Variants in CGA observed in about 807,000 individuals in gnomAD.
CGA encodes the protein glycoprotein hormones alpha chain.
CGA carries 4 observed loss-of-function variants against 12.0 expected under a neutral mutation model. The ratio of observed to expected loss-of-function variants is 0.33; its 90% CI spans 0.16 to 0.76. CGA has a LOEUF of 0.76. CGA is among the 30% of genes least tolerant of loss of function. The probability of loss-of-function intolerance (pLI) is 0.60; values close to 1 mark genes in which losing one functional copy is unlikely to be tolerated. For synonymous variants in CGA, 60 were observed against 56.6 expected (o/e 1.06, Z -0.27); for missense variants, 102 against 143.5 (o/e 0.71, Z 1.48).
chr6:87,089,919 A>G (rs1449284781), intron 1 of CGA, among the ~76,000 whole-genome samples: 1 of 152,224 alleles, frequency 6.6e-6, no homozygotes, highest in Non-Finnish European at 1.5e-5. Context: ...ATATGAAACA[A>G]ATGAATTTTA....
At position 87,095,067 on chromosome 6, in the gene CGA, G is replaced by A. The variant is rs1467129213; in HGVS notation, c.-62C>T. The A allele has an allele frequency of 1.3e-5, 2 of 152,216 alleles. No individual in the cohort carries two copies. Among genetic ancestry groups the A allele is most frequent in the Non-Finnish European group, 2.9e-5 (2 of 68,036 alleles). The allele number at this position is 152,216 out of a possible 1,614,324, so 9.4% of individuals were successfully genotyped here. A position where few individuals can be genotyped will look rare whatever the true frequency, so the allele number is the denominator to read the frequency against. ...CAGGGCGGTTGACTGTGGATCCGAA[G>A]AGGGATTTTAGCTTCGTCTTATGAG... On this transcript the variant is annotated 5_prime_UTR_variant, in exon 1 of 4. Transcript: ENST00000627148.
chr6:87,093,921 T>A (rs1303141214), intron 1 of CGA, among the ~76,000 whole-genome samples: 3 of 152,158 alleles, frequency 2.0e-5, no homozygotes, highest in Non-Finnish European at 4.4e-5. Flanking sequence ...AAAGTTGAAA[T>A]TAACATGAAA....
chr6:87,088,318 C>A (rs2127754476), intron 1 of CGA, 111 bp from the exon 2 acceptor site: 1 of 558,920 alleles, frequency 1.8e-6, no homozygotes, highest in African/African-American at 1.9e-5. Flanking sequence ...TAATAGTCAT[C>A]AGTGTCTTGA....
intron 3 of CGA, 152 bp from the exon 4 acceptor site, chr6:87,085,985 T>G: frequency 1.4e-6 from 1 of 696,410 alleles, no homozygotes. Context: ...TAGGAAATAT[T>G]TTTAGCACAA....
intron 3 of CGA, 96 bp downstream of exon 3, chr6:87,086,154 A>G (rs1769318022): frequency 8.9e-7 from 1 of 1,124,896 alleles, no homozygotes. Flanking sequence ...AGGCTGGGTC[A>G]TTAGACACCT....
chr6:87,088,414 G>A (rs1456254412), intron 1 of CGA, among the ~76,000 whole-genome samples: 1 of 151,722 alleles, frequency 6.6e-6, no homozygotes, highest in Non-Finnish European at 1.5e-5. Context: ...ATAGATAACT[G>A]AATCTTCCCA....
At chr6:87,090,384 AG>A (rs1287617769) in intron 1 of CGA, among the ~76,000 whole-genome samples, 1 of 152,198 alleles carries the variant, frequency 6.6e-6, no homozygotes, top group Non-Finnish European at 1.5e-5. Context: ...TGAATGAAAA[AG>A]CACATGAGAA....
chr6:87,087,914 TA>T, intron 2 of CGA, 198 bp downstream of exon 2: 1 of 376,244 alleles, frequency 2.7e-6, no homozygotes, highest in Non-Finnish European at 4.8e-6. Flanking sequence ...AATGGTTGTG[TA>T]AGATATCATT....
chr6:87,089,846 A>G (rs1020490666), intron 1 of CGA, among the ~76,000 whole-genome samples: 2 of 152,228 alleles, frequency 1.3e-5, no homozygotes, highest in African/African-American at 4.8e-5. Context: ...AGTACTTAAC[A>G]GAAACTTTGT....
At chr6:87,092,849 G>A (rs542650062) in intron 1 of CGA, among the ~76,000 whole-genome samples, 62 of 150,536 alleles carry the variant, frequency 4.1e-4, no homozygotes, top group Admixed American at 1.9e-3. Context: ...CCAAGCTCAG[G>A]TGATCCTCCC....
rs781221994 is a variant in CGA, at chr6:87,086,646, C to A, written c.89-212G>T. On this transcript the variant is annotated intron_variant, in intron 2 of 3. Transcript: ENST00000627148. ...ACAACAACAACAAAAATTAGCCAGA[C>A]GTGATGGTGCACACCTGTAGTCCCA... 4 of 524,760 alleles carry A rather than the reference C, an allele frequency of 7.6e-6. No individual in the cohort carries two copies. In the Admixed American group the frequency reaches 1.0e-4, roughly 13 times the overall value. The allele number at this position is 524,760 out of a possible 1,614,324, so 32.5% of individuals were successfully genotyped here.
Position 87,086,309 on chromosome 6 carries a change from A to T in CGA, c.214T>A (p.Leu72Met). The T allele has an allele frequency of 7.4e-6, 12 of 1,614,112 alleles. No homozygotes were observed. The highest frequency in any genetic ancestry group is 1.0e-5 in the Non-Finnish European group (12 of 1,180,016). Residue 72 changes from leucine to methionine, a missense_variant, in exon 3 of 4, where the codon TTG becomes ATG. Leu to Met is a conservative substitution (Grantham distance 15). Coordinates refer to ENST00000627148, the MANE Select transcript of CGA (RefSeq NM_000735.4). ...TCTGAGGTGACGTTCTTTTGGACCAACATCGTCTTCTTGGACCTTAGTGGA... is the reference window on the plus strand; with the variant it reads ...TCTGAGGTGACGTTCTTTTGGACCATCATCGTCTTCTTGGACCTTAGTGGA... The part of the protein sequence containing the change: ...PTPLRSKKTM[L>M]VQKNVTSEST...
intron 3 of CGA, 188 bp downstream of exon 3, chr6:87,086,062 A>C (rs1769316232): frequency 3.0e-6 from 2 of 660,160 alleles, no homozygotes; most frequent in East Asian, 5.4e-5. Context: ...TTCTGAATAA[A>C]TCCAGTCTAT....
chr6:87,086,449 A>C lies in CGA; in HGVS notation c.89-15T>G. ...TTCTGGGCAATCTATCAGGGAAAAA[A>C]AAAGGCAGAGTAAAATATCCAAAAA... is the stretch of plus-strand genomic sequence containing the variant. On this transcript the variant is annotated splice_polypyrimidine_tract_variant and intron_variant, in intron 2 of 3. Coordinates refer to ENST00000627148, the MANE Select transcript of CGA (RefSeq NM_000735.4). 1 of 1,584,700 alleles carries C rather than the reference A, an allele frequency of 6.3e-7. No individual in the cohort carries two copies. The highest frequency in any genetic ancestry group is 1.2e-5 in the South Asian group (1 of 85,978).
At chr6:87,093,229 C>A (rs969268624) in intron 1 of CGA, among the ~76,000 whole-genome samples, 2 of 152,158 alleles carry the variant, frequency 1.3e-5, no homozygotes, top group African/African-American at 2.4e-5. Flanking sequence ...CTTGTACTAC[C>A]CCTATAGCCT....
intron 1 of CGA, chr6:87,089,146 A>G (rs1200574632): frequency 1.3e-5 from 2 of 152,216 alleles, no homozygotes; most frequent in Non-Finnish European, 2.9e-5. Context: ...GCTGAATACT[A>G]TATGATTCCA....
intron 2 of CGA, 66 bp downstream of exon 2, chr6:87,088,047 G>A: frequency 1.3e-6 from 1 of 797,810 alleles, no homozygotes; most frequent in South Asian, 2.0e-5. Context: ...AATTAATGGA[G>A]TTATTGATGT....
Position 87,086,251 on chromosome 6 carries a change from C to G in CGA, c.272G>C (p.Arg91Thr). ...TTCTGGGGATCTTGAGGTTCTTACCCTGTTATATGATTTAGCTACACAGCA... is the reference window on the plus strand; with the variant it reads ...TTCTGGGGATCTTGAGGTTCTTACCGTGTTATATGATTTAGCTACACAGCA... Reference protein sequence around the residue: ...STCCVAKSYNRVTVMGGFKVE... With the variant: ...STCCVAKSYNTVTVMGGFKVE... Residue 91 changes from arginine (R) to threonine (T), a missense_variant and splice_region_variant, in exon 3 of 4, where the codon AGG becomes ACG. Arg to Thr is a moderately conservative substitution (Grantham distance 71). Coordinates refer to ENST00000627148, the MANE Select transcript of CGA (RefSeq NM_000735.4). 2 of 1,609,554 alleles carry G rather than the reference C, an allele frequency of 1.2e-6. No homozygotes were observed. The highest frequency in any genetic ancestry group is 1.1e-5 in the South Asian group (1 of 90,226).
chr6:87,093,312 T>G (rs534644162), intron 1 of CGA, among the ~76,000 whole-genome samples: 1 of 152,336 alleles, frequency 6.6e-6, no homozygotes, highest in Admixed American at 6.5e-5. Context: ...TTCAGTTATC[T>G]TGTCTAATTT....
Sources: allele counts gnomAD v4.1 joint callset (sites outside exome capture counted in the v4.1 genomes callset), GRCh38; gene constraint gnomAD v4.1.1; transcripts MANE v1.5; gene names NCBI Gene and HGNC (gene_info 2026-07-23, HGNC 2026-07-21).